Variants in KIF7 observed in about 807,000 individuals in gnomAD.
The protein encoded by KIF7 is kinesin-like protein KIF7.
Under a neutral mutation model 135.7 loss-of-function variants are expected in KIF7, and 104 were observed. The observed-to-expected ratio is 0.77, with a 90% CI of 0.65 to 0.90. The LOEUF (loss-of-function observed/expected upper bound fraction) is 0.90. Ranked by LOEUF, KIF7 falls within the 40% of genes least tolerant of loss-of-function variation. The pLI, the probability that KIF7 is intolerant of heterozygous loss-of-function variation, is 0.00. For synonymous variants in KIF7, 883 were observed against 809.4 expected, an observed-to-expected ratio of 1.09 and a Z score of -1.54; for missense variants, 2,005 against 1,839.1, an observed-to-expected ratio of 1.09 and a Z score of -1.65.
intron 10 of KIF7, among the ~76,000 whole-genome samples, chr15:89,644,389 G>A (rs1963973167): frequency 6.6e-6 from 1 of 152,042 alleles, no homozygotes; most frequent in Non-Finnish European, 1.5e-5. Flanking sequence ...TAAGTAAGAA[G>A]AAGTGCCGGG....
chr15:89,627,238 A>T, downstream of KIF7: 1 of 876,156 alleles, frequency 1.1e-6, no homozygotes, highest in Non-Finnish European at 1.7e-6. Flanking sequence ...CCCCTTATGG[A>T]TCCAATCCAT....
chr15:89,649,623 C>T, intron 3 of KIF7, 118 bp downstream of exon 3: 1 of 1,221,352 alleles, frequency 8.2e-7, no homozygotes, highest in Non-Finnish European at 1.1e-6. Flanking sequence ...GCAAAACCTC[C>T]CAGGGCTTGG....
intron 3 of KIF7, 66 bp from the exon 4 acceptor site, chr15:89,649,433 G>T: frequency 7.0e-7 from 1 of 1,429,762 alleles, no homozygotes; most frequent in Non-Finnish European, 9.2e-7. Flanking sequence ...AGGAGGGCAG[G>T]CAGAGCAGAA....
chr15:89,625,563 T>C (rs778372947), downstream of KIF7: 20 of 1,612,970 alleles, frequency 1.2e-5, no homozygotes, highest in African/African-American at 2.7e-5. Flanking sequence ...ACCAGTCGCC[T>C]CCCAGGAACA....
At chr15:89,629,750 C>A in intron 16 of KIF7, 177 bp from the exon 17 acceptor site, 2 of 753,662 alleles carry the variant, frequency 2.7e-6, no homozygotes, top group South Asian at 1.8e-5. Context: ...TAGTTATCTT[C>A]CAACGATCAG....
At chr15:89,644,540 G>C (rs1480364745) in intron 10 of KIF7, among the ~76,000 whole-genome samples, 3 of 151,618 alleles carry the variant, frequency 2.0e-5, no homozygotes, top group African/African-American at 4.8e-5. Context: ...AAAAAATTAG[G>C]TGGGTGTGGT....
At chr15:89,627,423 A>G (rs1963552955), downstream of KIF7, 1 of 280,674 alleles carries the variant, frequency 3.6e-6, no homozygotes, top group East Asian at 7.1e-5. Context: ...CATTTATGCA[A>G]ATGGAGAAAG....
At chr15:89,644,394 G>C (rs898508825) in intron 10 of KIF7, among the ~76,000 whole-genome samples, 3 of 152,150 alleles carry the variant, frequency 2.0e-5, no homozygotes, top group Non-Finnish European at 4.4e-5. Flanking sequence ...AAGAAGAAGT[G>C]CCGGGCATGG....
intron 11 of KIF7, among the ~76,000 whole-genome samples, chr15:89,640,168 G>A (rs1213500533): frequency 4.0e-5 from 6 of 151,822 alleles, no homozygotes; most frequent in African/African-American, 1.2e-4. Context: ...GGGAGGGATA[G>A]CACTGGGAGA....
At chr15:89,630,037 G>A in intron 16 of KIF7, 1 of 574,544 alleles carries the variant, frequency 1.7e-6, no homozygotes, top group South Asian at 2.1e-5. Context: ...CCTACTGAGA[G>A]CTACTATTGT....
the KIF7 span, among the ~76,000 whole-genome samples, chr15:89,662,567 T>C: frequency 1.3e-5 from 2 of 152,316 alleles, no homozygotes; most frequent in Non-Finnish European, 2.9e-5. Flanking sequence ...CTGTAATTGT[T>C]TGCATCTCCA....
At chr15:89,648,196 C>G (rs894822220) in intron 5 of KIF7, 59 bp downstream of exon 5, 1 of 1,416,744 alleles carries the variant, frequency 7.1e-7, no homozygotes, top group African/African-American at 1.5e-5. Flanking sequence ...GACCCTCTTC[C>G]TTCCTCTCCA....
At chr15:89,625,562 C>T (rs753571312), downstream of KIF7, 6 of 1,613,184 alleles carry the variant, frequency 3.7e-6, no homozygotes, top group Non-Finnish European at 5.1e-6. Context: ...GACCAGTCGC[C>T]TCCCAGGAAC....
intron 16 of KIF7, 169 bp from the exon 17 acceptor site, chr15:89,629,742 G>T (rs1963631814): frequency 1.0e-5 from 8 of 793,122 alleles, no homozygotes; most frequent in Admixed American, 2.6e-5. Context: ...CAGTGCTCTA[G>T]TTATCTTCCA....
In KIF7 at chr15:89,638,166, C is replaced by T. The variant is rs201975541; in HGVS notation, c.2394+4037G>A. ...GGGACGTATCTCAAAATCATAAGAGCTATCTATGACAAACCCACAGCCAGT... is the reference window on the plus strand; with the variant it reads ...GGGACGTATCTCAAAATCATAAGAGTTATCTATGACAAACCCACAGCCAGT... On this transcript the variant is annotated intron_variant, in intron 11 of 18. Coordinates refer to ENST00000394412, the MANE Select transcript of KIF7 (RefSeq NM_198525.3). Among the ~76,000 whole-genome samples, 22 of 139,360 alleles carry T rather than the reference C, an allele frequency of 1.6e-4. No individual in the cohort carries two copies. In the East Asian group the frequency reaches 4.2e-3, roughly 26 times the overall value. 91.4% of individuals were successfully genotyped at this position (139,360 alleles called of 152,430 possible).
upstream of KIF7, among the ~76,000 whole-genome samples, chr15:89,659,424 AGAAG>A (rs879275917): frequency 2.0e-5 from 3 of 151,578 alleles, no homozygotes; most frequent in East Asian, 1.9e-4. Context: ...AAAGAAAGAA[AGAAG>A]GAAGGAAGGG....
chr15:89,659,808 A>G (rs1964240787), upstream of KIF7, among the ~76,000 whole-genome samples: 1 of 152,250 alleles, frequency 6.6e-6, no homozygotes, highest in South Asian at 2.1e-4. Context: ...AGTTAATGAT[A>G]CACACACTTT....
downstream of KIF7, among the ~76,000 whole-genome samples, chr15:89,623,009 G>A (rs924927576): frequency 2.0e-5 from 3 of 152,346 alleles, no homozygotes; most frequent in South Asian, 2.1e-4. Context: ...GTCCCCTGAC[G>A]GGATGAAGGA....
At chr15:89,633,551 A>G in intron 12 of KIF7, 135 bp downstream of exon 12, 2 of 992,388 alleles carry the variant, frequency 2.0e-6, no homozygotes, top group South Asian at 2.9e-5. Flanking sequence ...ATGAAAAAAC[A>G]GACTCAGGCT....
Sources: allele counts gnomAD v4.1 joint callset (sites outside exome capture counted in the v4.1 genomes callset), GRCh38; gene constraint gnomAD v4.1.1; transcripts MANE v1.5; gene names NCBI Gene and HGNC (gene_info 2026-07-23, HGNC 2026-07-21).